Variants in SLCO1B1 observed in about 807,000 individuals in gnomAD.
The protein encoded by SLCO1B1 is solute carrier organic anion transporter family member 1B1, also known as OATP-2.
In SLCO1B1, 81 loss-of-function variants were observed where a neutral mutation model predicts 70.1. The observed-to-expected ratio is 1.16, with a 90% CI of 0.97 to 1.39. The LOEUF (loss-of-function observed/expected upper bound fraction) is 1.39, where lower values mean the gene tolerates loss of function less well. Ranked by LOEUF, SLCO1B1 falls within the 40% of genes most tolerant of loss-of-function variation. SLCO1B1 has a pLI of 0.00. For missense variants in SLCO1B1, 895 were observed against 799.6 expected, an observed-to-expected ratio of 1.12 and a Z score of -1.44; for synonymous variants, 283 against 271.5, an observed-to-expected ratio of 1.04 and a Z score of -0.42.
At chr12:21,220,297 A>G (rs1048520811) in intron 12 of SLCO1B1, among the ~76,000 whole-genome samples, 1 of 152,196 alleles carries the variant, frequency 6.6e-6, no homozygotes, top group African/African-American at 2.4e-5. Flanking sequence ...AATGTCATAT[A>G]TGCAATCCAA....
chr12:21,138,070 C>A (rs978620349), intron 1 of SLCO1B1, among the ~76,000 whole-genome samples: 1 of 152,164 alleles, frequency 6.6e-6, no homozygotes, highest in African/African-American at 2.4e-5. Context: ...CTTGATAAGA[C>A]AATTGTTTTT....
chr12:21,175,656 T>A (rs1235532409), intron 4 of SLCO1B1, among the ~76,000 whole-genome samples: 1 of 152,118 alleles, frequency 6.6e-6, no homozygotes, highest in Non-Finnish European at 1.5e-5. Context: ...AAGTTTCTTC[T>A]TAGTGGTACT....
intron 12 of SLCO1B1, 122 bp from the exon 13 acceptor site, chr12:21,222,178 G>T (rs1402247592): frequency 6.1e-6 from 2 of 329,606 alleles, no homozygotes; most frequent in Middle Eastern, 4.0e-4. Context: ...TTATATAATG[G>T]GGCCATTCAA....
intron 2 of SLCO1B1, among the ~76,000 whole-genome samples, chr12:21,167,600 T>G (rs911112291): frequency 2.0e-5 from 3 of 152,096 alleles, no homozygotes; most frequent in Admixed American, 6.5e-5. Context: ...CACATAACAT[T>G]AAATGTACCT....
At chr12:21,197,641 T>A (rs1941109528) in intron 8 of SLCO1B1, among the ~76,000 whole-genome samples, 2 of 152,178 alleles carry the variant, frequency 1.3e-5, no homozygotes, top group South Asian at 4.1e-4. Context: ...AATAGCAATA[T>A]AGTGCCTTAA....
intron 7 of SLCO1B1, among the ~76,000 whole-genome samples, chr12:21,193,512 G>A (rs1941054873): frequency 1.3e-5 from 2 of 152,054 alleles, no homozygotes; most frequent in Admixed American, 1.3e-4. Context: ...AATATATTGG[G>A]TTGTATATTC....
Position 21,170,967 on chromosome 12 carries a change from T to C in SLCO1B1, c.85-1683T>C, listed in dbSNP as rs1384050208. Among the ~76,000 whole-genome samples the C allele has an allele frequency of 2.0e-5, 3 of 152,236 alleles. No individual in the cohort carries two copies. In the East Asian group the frequency reaches 5.8e-4, roughly 29 times the overall value. ...TTCACTCATTATTTCTTAAGCATCTTTGTGACAGACACTGTCCTAATCACT... is the reference window on the plus strand; with the variant it reads ...TTCACTCATTATTTCTTAAGCATCTCTGTGACAGACACTGTCCTAATCACT... On this transcript the variant is annotated intron_variant, in intron 2 of 14. Transcript: ENST00000256958.
chr12:21,202,823 T>C, intron 10 of SLCO1B1, 137 bp downstream of exon 10: 1 of 695,586 alleles, frequency 1.4e-6, no homozygotes, highest in South Asian at 2.0e-5. Context: ...TTAAAATTTT[T>C]AAAATATCTG....
intron 11 of SLCO1B1, among the ~76,000 whole-genome samples, chr12:21,211,041 A>G (rs1565440172): frequency 6.6e-6 from 1 of 152,176 alleles, no homozygotes; most frequent in Non-Finnish European, 1.5e-5. Context: ...TCCTAATTGA[A>G]TACCATTTAT....
At chr12:21,141,381 T>G in intron 1 of SLCO1B1, 133 bp from the exon 2 acceptor site, 1 of 411,108 alleles carries the variant, frequency 2.4e-6, no homozygotes, top group South Asian at 2.8e-5. Flanking sequence ...CCTAGCAGAG[T>G]GGTAACGACA....
intron 2 of SLCO1B1, among the ~76,000 whole-genome samples, chr12:21,148,963 G>T (rs1211405242): frequency 6.6e-6 from 1 of 151,994 alleles, no homozygotes; most frequent in African/African-American, 2.4e-5. Flanking sequence ...GTATTCCTAG[G>T]TATTTTATTC....
At chr12:21,135,633 T>C (rs1360943410) in intron 1 of SLCO1B1, among the ~76,000 whole-genome samples, 1 of 152,184 alleles carries the variant, frequency 6.6e-6, no homozygotes, top group Non-Finnish European at 1.5e-5. Context: ...TAAAGTCTGT[T>C]TTATCAGAGA....
chr12:21,205,881 A>G lies in SLCO1B1; in HGVS notation c.1345A>G (p.Thr449Ala). Reference sequence around the variant, plus strand: ...ATATATTTCCAGAAATAATCCAGTGACATCTCATAGAGATGTACCACTTTC... The same window carrying G: ...ATATATTTCCAGAAATAATCCAGTGGCATCTCATAGAGATGTACCACTTTC... ...TMTYDGNNPVTSHRDVPLSYC... is the reference protein window; with the variant it reads ...TMTYDGNNPVASHRDVPLSYC... Residue 449 changes from threonine to alanine, a missense_variant, in exon 11 of 15, where the codon ACA (threonine) becomes GCA (alanine). Transcript: ENST00000256958. 1.2e-6 allele frequency: 2 copies of G among 1,607,198 alleles called. No individual in the cohort carries two copies. Among genetic ancestry groups the G allele is most frequent in the Non-Finnish European group, 1.7e-6 (2 of 1,174,728 alleles).
intron 1 of SLCO1B1, among the ~76,000 whole-genome samples, chr12:21,131,778 G>C (rs1162710322): frequency 6.6e-6 from 1 of 152,012 alleles, no homozygotes; most frequent in Non-Finnish European, 1.5e-5. Context: ...ATATTTTCTA[G>C]ATAATTTATC....
At chr12:21,138,396 T>A (rs1372967753) in intron 1 of SLCO1B1, among the ~76,000 whole-genome samples, 1 of 152,194 alleles carries the variant, frequency 6.6e-6, no homozygotes, top group Non-Finnish European at 1.5e-5. Flanking sequence ...TCAAAATTCA[T>A]TTATGTAAAT....
intron 14 of SLCO1B1, among the ~76,000 whole-genome samples, chr12:21,231,662 CAT>C (rs937474225): frequency 7.9e-5 from 12 of 151,672 alleles, no homozygotes; most frequent in African/African-American, 1.2e-4. Context: ...GACACACACA[CAT>C]ATATATACAT....
intron 7 of SLCO1B1, among the ~76,000 whole-genome samples, chr12:21,183,856 C>T (rs1940932887): frequency 6.6e-6 from 1 of 151,792 alleles, no homozygotes. Context: ...TTCAATAATT[C>T]CAGTAGAATG....
chr12:21,150,066 A>G (rs1407476645), intron 2 of SLCO1B1, among the ~76,000 whole-genome samples: 1 of 152,058 alleles, frequency 6.6e-6, no homozygotes, highest in Non-Finnish European at 1.5e-5. Flanking sequence ...TTCCCTCACA[A>G]TGCAAACAAA....
intron 2 of SLCO1B1, among the ~76,000 whole-genome samples, chr12:21,159,466 A>G (rs1349052070): frequency 6.6e-6 from 1 of 152,186 alleles, no homozygotes; most frequent in Non-Finnish European, 1.5e-5. Context: ...GCAATAAAAA[A>G]TGGCAAATGA....
Sources: allele counts gnomAD v4.1 joint callset (sites outside exome capture counted in the v4.1 genomes callset), GRCh38; gene constraint gnomAD v4.1.1; transcripts MANE v1.5; gene names NCBI Gene and HGNC (gene_info 2026-07-23, HGNC 2026-07-21).